RBKS: variants seen among roughly 807,000 people sequenced by gnomAD.
The protein encoded by RBKS is ribokinase.
In RBKS, 33 loss-of-function variants were observed where a neutral mutation model predicts 33.9. The ratio of observed to expected loss-of-function variants is 0.97; its 90% CI spans 0.74 to 1.30. The LOEUF (loss-of-function observed/expected upper bound fraction) is 1.30. Among genes scored for constraint, RBKS ranks in the 50% most tolerant of loss-of-function variants. RBKS has a pLI of 0.00. For synonymous variants in RBKS, 125 were observed against 143.0 expected (o/e 0.87, Z 0.90); for missense variants, 361 against 392.6 (o/e 0.92, Z 0.68).
intron 7 of RBKS, among the ~76,000 whole-genome samples, chr2:27,824,991 G>A (rs1030020879): frequency 6.6e-6 from 1 of 152,092 alleles, no homozygotes; most frequent in African/African-American, 2.4e-5. Context: ...ATAAAAATTA[G>A]CCAGGCATGG....
At chr2:27,841,335 A>C (rs1663500048) in intron 5 of RBKS, among the ~76,000 whole-genome samples, 1 of 152,212 alleles carries the variant, frequency 6.6e-6, no homozygotes, top group South Asian at 2.1e-4. Context: ...AGTAAGGGAT[A>C]GTAGGAAAAA....
At chr2:27,801,196 C>T (rs561423500) in intron 7 of RBKS, among the ~76,000 whole-genome samples, 4 of 152,194 alleles carry the variant, frequency 2.6e-5, no homozygotes, top group Middle Eastern at 6.8e-3. Context: ...TTTTGGAGGA[C>T]GTCTCTAGCA....
chr2:27,840,358 G>A (rs4425040), intron 5 of RBKS, among the ~76,000 whole-genome samples: 80,550 of 131,874 alleles, frequency 0.61, 23,027 homozygotes, highest in East Asian at 0.89. Flanking sequence ...ACACACACGC[G>A]CGCGCGCACA....
intron 1 of RBKS, among the ~76,000 whole-genome samples, chr2:27,877,297 C>T (rs1362846207): frequency 2.0e-5 from 3 of 149,760 alleles, no homozygotes; most frequent in Admixed American, 1.3e-4. Context: ...TTTTTTTTTT[C>T]CCCTAAGAAT....
chr2:27,801,464 TAC>T (rs56063622), intron 7 of RBKS, among the ~76,000 whole-genome samples: 1,489 of 136,304 alleles, frequency 0.011, 16 homozygotes, highest in Middle Eastern at 0.033. Flanking sequence ...GGCCACAGTA[TAC>T]ACACACACAC....
intron 7 of RBKS, among the ~76,000 whole-genome samples, chr2:27,787,903 C>CA (rs199760880): frequency 0.034 from 5,166 of 152,046 alleles, 295 homozygotes; most frequent in African/African-American, 0.12. Flanking sequence ...GATAATGCAT[C>CA]ATGACCAAGT....
chr2:27,889,887 A>G (rs779472109), intron 1 of RBKS: 6 of 213,974 alleles, frequency 2.8e-5, no homozygotes. Flanking sequence ...AGGTAGGCAC[A>G]TTCTCGGAGG....
chr2:27,856,447 C>T (rs1290085426), intron 2 of RBKS, among the ~76,000 whole-genome samples: 2 of 152,202 alleles, frequency 1.3e-5, no homozygotes, highest in Non-Finnish European at 2.9e-5. Context: ...CTCTCCTATC[C>T]ACTCATATGG....
chr2:27,842,945 C>G, intron 5 of RBKS, 122 bp downstream of exon 5: 1 of 703,094 alleles, frequency 1.4e-6, no homozygotes, highest in Non-Finnish European at 2.1e-6. Flanking sequence ...GTGAATCTCA[C>G]AGATGGAAGA....
At chr2:27,828,346 G>C (rs1268811287) in intron 6 of RBKS, among the ~76,000 whole-genome samples, 3 of 152,066 alleles carry the variant, frequency 2.0e-5, no homozygotes, top group Admixed American at 6.5e-5. Context: ...AAGGAGAAAG[G>C]AAAGGGCCAC....
At chr2:27,886,792 C>G (rs1231646423) in intron 1 of RBKS, among the ~76,000 whole-genome samples, 1 of 152,052 alleles carries the variant, frequency 6.6e-6, no homozygotes, top group African/African-American at 2.4e-5. Context: ...GTAGCCTTTA[C>G]TAGCCACTTA....
In RBKS at chr2:27,858,559, A is replaced by G. The variant is rs1444781021; in HGVS notation, c.102T>C (p.Arg34=). The G allele has an allele frequency of 6.2e-7, 1 of 1,613,254 alleles. No homozygotes were observed. The change falls in exon 2 of 8, where the codon CGT becomes CGC. Residue 34 remains arginine (R), a synonymous_variant. Coordinates refer to ENST00000302188, the MANE Select transcript of RBKS (RefSeq NM_022128.3). ...CMTDLVSLTS[R]LPKTGETIHG... is the part of the protein sequence containing the mutation. ...GGATGGTTTCTCCAGTTTTTGGCAA[A>G]CGAGAAGTAAGACTATTGTAATTTA...
intron 1 of RBKS, among the ~76,000 whole-genome samples, chr2:27,882,160 C>A (rs1386876061): frequency 6.6e-6 from 1 of 150,996 alleles, no homozygotes; most frequent in African/African-American, 2.4e-5. Flanking sequence ...AAAATTTTTG[C>A]AAACTATGCA....
At chr2:27,833,776 T>G (rs1678467715) in intron 5 of RBKS, among the ~76,000 whole-genome samples, 1 of 152,224 alleles carries the variant, frequency 6.6e-6, no homozygotes, top group Non-Finnish European at 1.5e-5. Flanking sequence ...ATTTCAAGTC[T>G]TTAGAAATTA....
At position 27,837,098 on chromosome 2, in the gene RBKS, C is replaced by T. The variant is rs1301523655; in HGVS notation, c.515-4321G>A. On this transcript the variant is annotated intron_variant, in intron 5 of 7. Transcript: ENST00000302188. The surrounding 1 kb of genome is among the most constrained non-coding windows in gnomAD (Gnocchi z 4.0). Reference sequence around the variant, plus strand: ...ATCATCCTGGCTAACACGGTGAAACCCTGTCTCTACTAAAAATACAAAAAT... The same window carrying T: ...ATCATCCTGGCTAACACGGTGAAACTCTGTCTCTACTAAAAATACAAAAAT... Among the ~76,000 whole-genome samples the T allele has an allele frequency of 1.3e-5, 2 of 152,062 alleles. No homozygotes were observed. Among genetic ancestry groups the T allele is most frequent in the South Asian group, 2.1e-4 (1 of 4,824 alleles).
intron 5 of RBKS, among the ~76,000 whole-genome samples, chr2:27,839,787 CA>C (rs1663435736): frequency 6.6e-6 from 1 of 151,944 alleles, no homozygotes; most frequent in Non-Finnish European, 1.5e-5. Context: ...GTAGGGTGCT[CA>C]GTGCTCAAGA....
chr2:27,858,741 T>G (rs1468571446), intron 1 of RBKS, among the ~76,000 whole-genome samples, 170 bp from the exon 2 acceptor site: 3 of 152,194 alleles, frequency 2.0e-5, no homozygotes, highest in Non-Finnish European at 4.4e-5. Flanking sequence ...CATTTAGTAG[T>G]TTGCATCATT....
chr2:27,875,992 G>A (rs963331238), intron 1 of RBKS, among the ~76,000 whole-genome samples: 2 of 152,214 alleles, frequency 1.3e-5, no homozygotes, highest in Non-Finnish European at 2.9e-5. Flanking sequence ...GGCTTGGTGA[G>A]TAAGATGCAG....
At chr2:27,821,098 CTG>C (rs1285909055) in intron 7 of RBKS, among the ~76,000 whole-genome samples, 1 of 148,782 alleles carries the variant, frequency 6.7e-6, no homozygotes, top group Non-Finnish European at 1.5e-5. Flanking sequence ...TCTGGAAACA[CTG>C]TACAAATTTA....
Sources: gnomAD v4.1 joint callset for allele counts (sites outside exome capture counted in the v4.1 genomes callset) on GRCh38, gnomAD v4.1.1 for gene constraint, Gnocchi (gnomAD v3.1) non-coding constraint, MANE v1.5 for transcripts, NCBI Gene and HGNC (gene_info 2026-07-23, HGNC 2026-07-21) for gene names.